OR4E2: variants seen among roughly 807,000 people sequenced by gnomAD.
OR4E2 encodes the protein olfactory receptor 4E2.
In OR4E2, 9 loss-of-function variants were observed where a neutral mutation model predicts 11.0. The observed-to-expected ratio is 0.82, with a 90% CI of 0.49 to 1.43. OR4E2 has a LOEUF of 1.43. Among genes scored for constraint, OR4E2 ranks in the 40% most tolerant of loss-of-function variants. OR4E2 has a pLI of 0.00. For synonymous variants in OR4E2, 159 were observed against 147.3 expected (o/e 1.08, Z -0.57); for missense variants, 441 against 382.0 (o/e 1.15, Z -1.29).
chr14:21,661,593 G>A (rs1187609382), intron 3 of OR4E2, among the ~76,000 whole-genome samples: 1 of 152,234 alleles, frequency 6.6e-6, no homozygotes, highest in Non-Finnish European at 1.5e-5. Flanking sequence ...ATTCTGAATT[G>A]ATGGTTTGGC....
chr14:21,663,217 C>T (rs1438064460), intron 3 of OR4E2, among the ~76,000 whole-genome samples: 3 of 152,104 alleles, frequency 2.0e-5, no homozygotes, highest in South Asian at 2.1e-4. Flanking sequence ...CGGTGGCTCA[C>T]GCCTGTAATC....
chr14:21,660,309 C>T (rs1192478117), intron 2 of OR4E2, among the ~76,000 whole-genome samples: 1 of 152,210 alleles, frequency 6.6e-6, no homozygotes, highest in Admixed American at 6.5e-5. Flanking sequence ...CACTCACCTC[C>T]TGCTGTGCAG....
intron 1 of OR4E2, among the ~76,000 whole-genome samples, chr14:21,655,832 A>G (rs962516179): frequency 6.6e-6 from 1 of 152,182 alleles, no homozygotes; most frequent in Non-Finnish European, 1.5e-5. Flanking sequence ...TGCAGTTCCA[A>G]TGGTGCCCAT....
intron 1 of OR4E2, among the ~76,000 whole-genome samples, chr14:21,654,520 T>C (rs979357673): frequency 6.6e-6 from 1 of 151,760 alleles, no homozygotes; most frequent in Admixed American, 6.6e-5. Context: ...TTGGTATACA[T>C]GGGAGGATTG....
Position 21,664,939 on chromosome 14 carries a change from C to A in OR4E2, c.-8-136C>A. 3.3e-6 allele frequency: 2 copies of A among 609,630 alleles called. 1 individual carries two copies. The highest frequency in any genetic ancestry group is 4.4e-5 in the South Asian group (2 of 45,438). 37.8% of individuals were successfully genotyped at this position (609,630 alleles called of 1,614,324 possible). A position where few individuals can be genotyped will look rare whatever the true frequency, so the allele number is the denominator to read the frequency against. On this transcript the variant is annotated intron_variant, in intron 3 of 3. Coordinates refer to ENST00000641524, the MANE Select transcript of OR4E2 (RefSeq NM_001001912.3). ...GTAAGTAGTGGGTATACTGTAACAA[C>A]TACTGTTAAATTGATTTCATAAGCT...
chr14:21,661,362 A>C (rs368706025), intron 3 of OR4E2, among the ~76,000 whole-genome samples: 3 of 152,330 alleles, frequency 2.0e-5, no homozygotes, highest in South Asian at 2.1e-4. Context: ...ATACACACAC[A>C]AATCTTTTTC....
intron 3 of OR4E2, 22 bp from the exon 4 acceptor site, chr14:21,665,053 C>T (rs1248141767): frequency 1.6e-6 from 2 of 1,245,638 alleles, no homozygotes; most frequent in East Asian, 4.7e-5. Context: ...ACTAAATTAG[C>T]TTTCATTTTT....
chr14:21,657,440 T>TTTCCTTCCTTCCTTCCTTCCTTCC (rs555201549), intron 2 of OR4E2, among the ~76,000 whole-genome samples: 3 of 76,286 alleles, frequency 3.9e-5, no homozygotes, highest in Admixed American at 1.4e-4. Context: ...TTCTTCTTTC[T>TTTCCTTCCTTCCTTCCTTCCTTCC]TTCCTTCCTT....
intron 3 of OR4E2, among the ~76,000 whole-genome samples, chr14:21,664,593 A>G (rs10146733): frequency 0.83 from 126,371 of 152,120 alleles, 52,681 homozygotes; most frequent in Non-Finnish European, 0.86. Context: ...TTGCTTGGTC[A>G]GAGAGAAGAA....
intron 3 of OR4E2, among the ~76,000 whole-genome samples, chr14:21,664,723 T>C (rs1313015049): frequency 6.6e-6 from 1 of 152,208 alleles, no homozygotes; most frequent in Non-Finnish European, 1.5e-5. Context: ...TTGGGAGTTG[T>C]ATTGGAATAT....
chr14:21,663,719 G>T (rs1293642423), intron 3 of OR4E2, among the ~76,000 whole-genome samples: 5 of 152,090 alleles, frequency 3.3e-5, no homozygotes, highest in African/African-American at 1.2e-4. Context: ...GTGCAGTTTT[G>T]TTACATAGGT....
At chr14:21,653,991 T>C (rs1289953414) in intron 1 of OR4E2, 52 bp downstream of exon 1, 1 of 152,190 alleles carries the variant, frequency 6.6e-6, no homozygotes, top group Admixed American at 6.5e-5. Context: ...ATAAGATAGA[T>C]AGTTTTTATG....
chr14:21,658,789 T>C (rs987346368), intron 2 of OR4E2, among the ~76,000 whole-genome samples: 72 of 152,198 alleles, frequency 4.7e-4, no homozygotes, highest in Admixed American at 2.3e-3. Flanking sequence ...CAGGAAGAGA[T>C]AGATTTCATT....
intron 1 of OR4E2, among the ~76,000 whole-genome samples, chr14:21,654,403 CACACACACACAT>C (rs1879814157): frequency 4.0e-5 from 5 of 124,050 alleles, no homozygotes; most frequent in Admixed American, 7.7e-5. Context: ...CACACGCATG[CACACACACACAT>C]GCACACACAC....
rs1410656339 is a variant in OR4E2, at chr14:21,667,050, G to A, written c.*1026G>A. ...ATCCATGACAAATTTCTTAGGTAAT[G>A]ATGATGATATTCTGTGACTGAAATA... On this transcript the variant is annotated 3_prime_UTR_variant, in exon 4 of 4. Coordinates refer to ENST00000641524, the MANE Select transcript of OR4E2 (RefSeq NM_001001912.3). The A allele has an allele frequency of 6.6e-6, 1 of 152,110 alleles. No homozygotes were observed. Among genetic ancestry groups the A allele is most frequent in the Non-Finnish European group, 1.5e-5 (1 of 68,026 alleles). 9.4% of individuals were successfully genotyped at this position (152,110 alleles called of 1,614,324 possible). A position where few individuals can be genotyped will look rare whatever the true frequency, so the allele number is the denominator to read the frequency against.
intron 2 of OR4E2, among the ~76,000 whole-genome samples, chr14:21,660,099 C>G (rs1452026948): frequency 6.6e-6 from 1 of 151,894 alleles, no homozygotes; most frequent in Non-Finnish European, 1.5e-5. Flanking sequence ...TCATGGAAGA[C>G]AAATTTTTCC....
In OR4E2 at chr14:21,666,033, G is replaced by A; in HGVS notation, c.*9G>A. 1 of 1,581,660 alleles carries A rather than the reference G, an allele frequency of 6.3e-7. No individual in the cohort carries two copies. The highest frequency in any genetic ancestry group is 1.4e-5 in the African/African-American group (1 of 74,010). ...CGAAATCATATACATAATGGGCACT[G>A]GGATTGCAGACATAATTGCAGCCAC... On this transcript the variant is annotated 3_prime_UTR_variant, in exon 4 of 4. Transcript: ENST00000641524.
rs1359388902 is a variant in OR4E2 at position 21,665,845 on chromosome 14, A to G, written c.763A>G (p.Ile255Val). 5.6e-6 allele frequency: 9 copies of G among 1,610,890 alleles called. No individual in the cohort carries two copies. Among genetic ancestry groups the G allele is most frequent in the East Asian group, 2.2e-5 (1 of 44,856 alleles). ...MVVALFFGPC[I>V]FIYTRPDTSF... The stretch of plus-strand genomic sequence containing the variant: ...GGTTGCCCTCTTCTTTGGGCCATGT[A>G]TCTTCATCTATACTCGGCCAGACAC... The change falls in exon 4 of 4, where the codon ATC becomes GTC. Residue 255 changes from isoleucine to valine, a missense_variant. By Grantham distance (29) the Ile-to-Val change is conservative (BLOSUM62 3). Transcript: ENST00000641524.
rs778197779 is a variant in OR4E2, at chr14:21,665,952, G to A, written c.870G>A (p.Arg290=). ...TGAATCCCTTCATTTACACCTTGAG[G>A]AATGAGGAGGTAAAAAGTGCCATGA... ...PLLNPFIYTL[R]NEEVKSAMKQ... The change falls in exon 4 of 4, where the codon AGG becomes AGA. Residue 290 remains arginine (R), a synonymous_variant. Transcript: ENST00000641524. 6.2e-7 allele frequency: 1 copy of A among 1,614,010 alleles called. No homozygotes were observed. The highest frequency in any genetic ancestry group is 8.5e-7 in the Non-Finnish European group (1 of 1,180,000).
Sources: allele counts gnomAD v4.1 joint callset (sites outside exome capture counted in the v4.1 genomes callset), GRCh38; gene constraint gnomAD v4.1.1; transcripts MANE v1.5; gene names NCBI Gene and HGNC (gene_info 2026-07-23, HGNC 2026-07-21).